The following TNRC6B variants were observed in gnomAD, a reference collection of about 807,000 sequenced individuals.
TNRC6B encodes the protein trinucleotide repeat-containing gene 6B protein.
In TNRC6B, 52 loss-of-function variants were observed where a neutral mutation model predicts 203.6. The observed-to-expected ratio is 0.26, with a 90% CI of 0.20 to 0.32. TNRC6B has a LOEUF of 0.32. TNRC6B is among the 10% of genes least tolerant of loss of function. The probability of loss-of-function intolerance (pLI) is 1.00; values close to 1 mark genes in which losing one functional copy is unlikely to be tolerated. For missense variants in TNRC6B, 1,923 were observed against 2,286.2 expected (o/e 0.84, Z 3.24); for synonymous variants, 838 against 845.7 (o/e 0.99, Z 0.16).
At chr22:40,126,832 C>G (rs189279597) in intron 3 of TNRC6B, among the ~76,000 whole-genome samples, 3 of 151,068 alleles carry the variant, frequency 2.0e-5, no homozygotes, top group Admixed American at 2.0e-4. Flanking sequence ...CTCAAGCACT[C>G]CACCCACCTA....
At chr22:40,133,969 T>TAA (rs2068575046) in intron 3 of TNRC6B, among the ~76,000 whole-genome samples, 1 of 25,240 alleles carries the variant, frequency 4.0e-5, no homozygotes. Flanking sequence ...AAGCTCCGTC[T>TAA]CAAAAAAAAA....
intron 1 of TNRC6B, among the ~76,000 whole-genome samples, chr22:40,200,025 CT>C (rs1391928069): frequency 1.3e-5 from 2 of 151,916 alleles, no homozygotes; most frequent in Non-Finnish European, 2.9e-5. Context: ...TCTTGAACTC[CT>C]GACTTCAAGT....
At chr22:40,136,688 C>T (rs2068602914) in intron 3 of TNRC6B, among the ~76,000 whole-genome samples, 1 of 151,848 alleles carries the variant, frequency 6.6e-6, no homozygotes, top group Non-Finnish European at 1.5e-5. Flanking sequence ...AGATTACAGG[C>T]ATGAGCCACC....
At chr22:40,263,450 T>C (rs981187006) in intron 4 of TNRC6B, among the ~76,000 whole-genome samples, 4 of 152,212 alleles carry the variant, frequency 2.6e-5, no homozygotes, top group African/African-American at 9.7e-5. Flanking sequence ...GCGGAGTTTC[T>C]GCAGCCGAGT....
At chr22:40,197,606 CT>C (rs10715847) in intron 1 of TNRC6B, among the ~76,000 whole-genome samples, 42,379 of 139,224 alleles carry the variant, frequency 0.3, 7,310 homozygotes, top group African/African-American at 0.5. Flanking sequence ...TTTTCTTTTT[CT>C]TTTTTTTTTT....
chr22:40,205,140 C>T (rs1024972090), intron 1 of TNRC6B, among the ~76,000 whole-genome samples: 4 of 152,228 alleles, frequency 2.6e-5, no homozygotes, highest in African/African-American at 7.2e-5. Flanking sequence ...CTGGGCCACA[C>T]TGGAGTGTGC....
At chr22:40,125,324 T>C (rs2068480325) in intron 2 of TNRC6B, among the ~76,000 whole-genome samples, 1 of 152,192 alleles carries the variant, frequency 6.6e-6, no homozygotes, top group Non-Finnish European at 1.5e-5. Context: ...TATTCATAAA[T>C]TATAAGCCCG....
rs955369459 is a variant in TNRC6B, at chr22:40,126,580, ATTTTTTTTTTTTTTTTT to A, written c.45+731_45+747del. On this transcript the variant is annotated intron_variant, in intron 3 of 23. Coordinates refer to the TNRC6B transcript ENST00000301923. The stretch of plus-strand genomic sequence containing the variant: ...CTGTTGCTACAAAGGACGTTATTTA[ATTTTTTTTTTTTTTTTT>A]TTTTTTTTTTTTAGACTGGGCCTGG... Among the ~76,000 whole-genome samples, 574 of 88,792 alleles carry A rather than the reference ATTTTTTTTTTTTTTTTT, an allele frequency of 6.5e-3. 8 individuals carry two copies. Among genetic ancestry groups the A allele is most frequent in the Middle Eastern group, 0.037 (5 of 134 alleles). 58.3% of individuals were successfully genotyped at this position (88,792 alleles called of 152,430 possible).
chr22:40,137,747 G>C (rs2068611678), intron 3 of TNRC6B, among the ~76,000 whole-genome samples: 1 of 152,162 alleles, frequency 6.6e-6, no homozygotes, highest in Admixed American at 6.5e-5. Flanking sequence ...ACTTTGGGAG[G>C]CCGAGGCGGG....
chr22:40,054,882 A>T (rs1446996412), intron 1 of TNRC6B, among the ~76,000 whole-genome samples: 2 of 151,790 alleles, frequency 1.3e-5, no homozygotes, highest in South Asian at 2.1e-4. Flanking sequence ...ACAAAAAAAA[A>T]AAAAATTAGC....
chr22:40,163,480 A>AAACAAAAC (rs568063097), intron 4 of TNRC6B, among the ~76,000 whole-genome samples: 1 of 66,208 alleles, frequency 1.5e-5, no homozygotes, highest in Non-Finnish European at 2.8e-5. Flanking sequence ...AAAAAAAAAA[A>AAACAAAAC]GGCCAGGCAC....
chr22:40,160,431 G>A (rs1481635844), intron 4 of TNRC6B, among the ~76,000 whole-genome samples: 14 of 148,190 alleles, frequency 9.4e-5, no homozygotes, highest in Admixed American at 6.1e-4. Context: ...AGCCGAGATT[G>A]TGCCATTGCA....
At chr22:40,082,862 A>T (rs1050967679) in intron 1 of TNRC6B, among the ~76,000 whole-genome samples, 9 of 152,186 alleles carry the variant, frequency 5.9e-5, no homozygotes, top group African/African-American at 2.2e-4. Flanking sequence ...ACTGAGATTT[A>T]CTCAAGTAGA....
Position 40,281,205 on chromosome 22 carries a change from G to T in TNRC6B, c.3498G>T (p.Leu1166=). Residue 1166 remains leucine (L), a synonymous_variant, in exon 11 of 23, where the codon CTG becomes CTT. Transcript: ENST00000454349. ...TCTCCCCTTCTCCCAGCTACAAGCT[G>T]TCTCCCTCTGGTTCCACACTACCCA... The part of the protein sequence containing the change: ...SPFSPSPSYK[L]SPSGSTLPNV... 1 of 1,551,592 alleles carries T rather than the reference G, an allele frequency of 6.4e-7. No homozygotes were observed. The highest frequency in any genetic ancestry group is 8.7e-7 in the Non-Finnish European group (1 of 1,146,930).
chr22:40,295,389 G>A (rs1019163271), intron 12 of TNRC6B, among the ~76,000 whole-genome samples: 3 of 151,368 alleles, frequency 2.0e-5, no homozygotes, highest in African/African-American at 4.9e-5. Flanking sequence ...CAGGAGAATC[G>A]CTTGAGCCCG....
intron 3 of TNRC6B, among the ~76,000 whole-genome samples, 178 bp downstream of exon 3, chr22:40,251,378 C>G (rs1385743887): frequency 6.6e-6 from 1 of 152,106 alleles, no homozygotes; most frequent in Non-Finnish European, 1.5e-5. Context: ...ATTGGTGTTT[C>G]TAGTTGGCCT....
intron 3 of TNRC6B, among the ~76,000 whole-genome samples, chr22:40,150,761 T>C (rs73165044): frequency 9.8e-5 from 15 of 152,332 alleles, no homozygotes; most frequent in South Asian, 2.1e-4. Flanking sequence ...GCCTGACTTA[T>C]ATCTGTCAGG....
intron 3 of TNRC6B, among the ~76,000 whole-genome samples, chr22:40,128,628 A>G (rs912037870): frequency 7.9e-5 from 12 of 151,198 alleles, no homozygotes; most frequent in African/African-American, 2.7e-4. Context: ...GCCTCAAGCA[A>G]TTCTCCCACC....
chr22:40,248,421 G>C (rs1316728119), intron 2 of TNRC6B, among the ~76,000 whole-genome samples: 1 of 152,186 alleles, frequency 6.6e-6, no homozygotes, highest in Non-Finnish European at 1.5e-5. Flanking sequence ...TTGAGCAAAG[G>C]CTGTTAACAA....
Sources: gnomAD v4.1 joint callset for allele counts (sites outside exome capture counted in the v4.1 genomes callset) on GRCh38, gnomAD v4.1.1 for gene constraint, MANE v1.5 for transcripts, NCBI Gene and HGNC (gene_info 2026-07-23, HGNC 2026-07-21) for gene names.